The following CELSR1 variants were observed in gnomAD, a reference collection of about 807,000 sequenced individuals.
CELSR1 encodes cadherin EGF LAG seven-pass G-type receptor 1.
Under a neutral mutation model 249.1 loss-of-function variants are expected in CELSR1, and 110 were observed. The ratio of observed to expected loss-of-function variants is 0.44; its 90% CI spans 0.38 to 0.52. The LOEUF is 0.52. CELSR1 is among the 20% of genes least tolerant of loss of function. CELSR1 has a pLI of 0.00. For missense variants in CELSR1, 4,109 were observed against 4,296.4 expected, an observed-to-expected ratio of 0.96 and a Z score of 1.22; for synonymous variants, 2,113 against 1,900.0, an observed-to-expected ratio of 1.11 and a Z score of -2.92.
intron 9 of CELSR1, among the ~76,000 whole-genome samples, chr22:46,405,915 G>A (rs753905958): frequency 2.0e-5 from 3 of 152,132 alleles, no homozygotes; most frequent in Non-Finnish European, 4.4e-5. Flanking sequence ...TCTGCGAGCT[G>A]CCCTGGGGGC....
rs1234027627 is a variant in CELSR1 at position 46,377,425 on chromosome 22, C to T, written c.7384-164G>A. 3 of 731,116 alleles carry T rather than the reference C, an allele frequency of 4.1e-6. No individual in the cohort carries two copies. The East Asian group carries it at 8.2e-5, about 20-fold the overall frequency. 45.3% of individuals were successfully genotyped at this position (731,116 alleles called of 1,614,324 possible). On this transcript the variant is annotated intron_variant, in intron 23 of 34. Coordinates refer to ENST00000674500, the MANE Select transcript of CELSR1 (RefSeq NM_001378328.1). Reference sequence around the variant, plus strand: ...AGTGCTCATGGCTCTGGGCCTGGAACTGCCCCTCCTGAGGCTCCTTCAATG... The same window carrying T: ...AGTGCTCATGGCTCTGGGCCTGGAATTGCCCCTCCTGAGGCTCCTTCAATG...
At chr22:46,414,506 G>A (rs1477343845) in intron 5 of CELSR1, among the ~76,000 whole-genome samples, 1 of 151,960 alleles carries the variant, frequency 6.6e-6, no homozygotes. Context: ...CCCGCCTCTC[G>A]GCGAGTGTGG....
chr22:46,519,035 A>C (rs2080658048), intron 1 of CELSR1, among the ~76,000 whole-genome samples: 1 of 151,850 alleles, frequency 6.6e-6, no homozygotes, highest in Admixed American at 6.6e-5. Flanking sequence ...TCTGTATCAA[A>C]AAAAAAAAAC....
chr22:46,432,211 G>A (rs978542275), intron 5 of CELSR1, among the ~76,000 whole-genome samples: 1 of 152,242 alleles, frequency 6.6e-6, no homozygotes, highest in Non-Finnish European at 1.5e-5. Flanking sequence ...GGGCCAGGGA[G>A]GTGGAGGGAC....
chr22:46,435,724 C>A (rs2079651597), intron 4 of CELSR1, among the ~76,000 whole-genome samples: 1 of 151,862 alleles, frequency 6.6e-6, no homozygotes, highest in Non-Finnish European at 1.5e-5. Flanking sequence ...TTTTTTGAGA[C>A]AGAGTCTCAC....
At position 46,380,180 on chromosome 22, in the gene CELSR1, T is replaced by C. The variant is rs896702033; in HGVS notation, c.7256+608A>G. 1.3e-5 allele frequency among the ~76,000 whole-genome samples: 2 copies of C among 152,208 alleles called. No individual in the cohort carries two copies. Among genetic ancestry groups the C allele is most frequent in the Non-Finnish European group, 2.9e-5 (2 of 68,024 alleles). On this transcript the variant is annotated intron_variant, in intron 22 of 34. Transcript: ENST00000674500. This position sits in a 1 kb window ranked among gnomAD's most constrained non-coding sequence, Gnocchi z 5.1. ...TGCATTTTTCTAACGACGAAACGCCTTTCCCTCGCTTGCATGGATGCTAGA... is the reference window on the plus strand; with the variant it reads ...TGCATTTTTCTAACGACGAAACGCCCTTCCCTCGCTTGCATGGATGCTAGA...
chr22:46,497,978 G>A (rs1368319710), intron 1 of CELSR1, among the ~76,000 whole-genome samples: 1 of 151,406 alleles, frequency 6.6e-6, no homozygotes, highest in Non-Finnish European at 1.5e-5. Flanking sequence ...GCCAGGCACG[G>A]TGGCTCACGC....
chr22:46,516,221 T>C (rs912464581), intron 1 of CELSR1, among the ~76,000 whole-genome samples: 1 of 152,272 alleles, frequency 6.6e-6, no homozygotes, highest in Admixed American at 6.5e-5. Flanking sequence ...TGTCCACCAA[T>C]GATAGACTGG....
Position 46,517,015 on chromosome 22 carries a change from G to T in CELSR1, c.3544+16612C>A, listed in dbSNP as rs118039036. On this transcript the variant is annotated intron_variant, in intron 1 of 34. Coordinates refer to ENST00000674500, the MANE Select transcript of CELSR1 (RefSeq NM_001378328.1). This position sits in a 1 kb window ranked among gnomAD's most constrained non-coding sequence, Gnocchi z 5.4. The stretch of plus-strand genomic sequence containing the variant: ...AAAGGAACCTTTATCACCCATAAGG[G>T]ATGAGCTGGGCTCATCCACTTCCTG... 1.5e-3 allele frequency among the ~76,000 whole-genome samples: 222 copies of T among 152,338 alleles called. 2 individuals carry two copies. In the East Asian group the frequency reaches 0.04, roughly 27 times the overall value.
At chr22:46,508,277 C>T (rs942414700) in intron 1 of CELSR1, among the ~76,000 whole-genome samples, 12 of 149,992 alleles carry the variant, frequency 8.0e-5, no homozygotes, top group African/African-American at 2.4e-4. Context: ...CAGCCCTGCT[C>T]GTCCACACAC....
rs577353855 is a variant in CELSR1 at position 46,448,981 on chromosome 22, C to G, written c.4184-9570G>C. Among the ~76,000 whole-genome samples the G allele has an allele frequency of 2.4e-4, 36 of 152,252 alleles. No homozygotes were observed. Among genetic ancestry groups the G allele is most frequent in the African/African-American group, 8.4e-4 (35 of 41,540 alleles). Reference sequence around the variant, plus strand: ...ATGTCAGAAATGATAAAACACCACACGAATTTGCCCATCTGTTATTCCATT... The same window carrying G: ...ATGTCAGAAATGATAAAACACCACAGGAATTTGCCCATCTGTTATTCCATT... On this transcript the variant is annotated intron_variant, in intron 2 of 34. Coordinates refer to ENST00000674500, the MANE Select transcript of CELSR1 (RefSeq NM_001378328.1). The surrounding 1 kb of genome is among the most constrained non-coding windows in gnomAD (Gnocchi z 5.7).
At chr22:46,443,054 C>T (rs2147487195) in intron 2 of CELSR1, among the ~76,000 whole-genome samples, 1 of 151,620 alleles carries the variant, frequency 6.6e-6, no homozygotes, top group Non-Finnish European at 1.5e-5. Context: ...GCCGAGATCG[C>T]ACCGCGGCAC....
At chr22:46,368,467 C>T (rs1468400769) in intron 27 of CELSR1, among the ~76,000 whole-genome samples, 1 of 151,948 alleles carries the variant, frequency 6.6e-6, no homozygotes, top group Non-Finnish European at 1.5e-5. Flanking sequence ...CTGCCCTACC[C>T]CCCTTCAGAC....
At chr22:46,528,724 C>T (rs1045535037) in intron 1 of CELSR1, among the ~76,000 whole-genome samples, 8 of 150,914 alleles carry the variant, frequency 5.3e-5, no homozygotes, top group African/African-American at 2.0e-4. Context: ...GTCAGGAGAT[C>T]GAGGCCATCC....
rs1010023278 is a variant in CELSR1, at chr22:46,536,822, G to C, written c.349C>G (p.Arg117Gly). 1.1e-4 allele frequency: 131 copies of C among 1,204,620 alleles called. 1 individual carries two copies. Among genetic ancestry groups the C allele is most frequent in the Non-Finnish European group, 7.2e-6 (7 of 971,688 alleles). The allele number at this position is 1,204,620 out of a possible 1,614,324, so 74.6% of individuals were successfully genotyped here. A position where few individuals can be genotyped will look rare whatever the true frequency, so the allele number is the denominator to read the frequency against. The part of the protein sequence containing the change: ...ARTHLPGCGA[R>G]ARLCGTGARL... ...GCACCGGTTCCGCAGAGCCGGGCAC[G>C]GGCTCCGCAGCCGGGAAGGTGCGTG... The change falls in exon 1 of 35, where the codon CGT becomes GGT. Residue 117 changes from arginine (R) to glycine (G), a missense_variant. Physicochemically the swap from Arg to Gly is moderately radical, Grantham distance 125. This residue lies in a region of CELSR1 where 673 missense variants were observed against 636.8 expected (regional missense o/e 1.06). Transcript: ENST00000674500.
intron 5 of CELSR1, among the ~76,000 whole-genome samples, chr22:46,422,113 G>A (rs55676873): frequency 0.32 from 48,135 of 151,476 alleles, 10,861 homozygotes; most frequent in African/African-American, 0.65. Flanking sequence ...TATTTTTTTT[G>A]TTTTATTTTT....
chr22:46,486,790 C>T (rs968500760), intron 1 of CELSR1, among the ~76,000 whole-genome samples: 47 of 152,162 alleles, frequency 3.1e-4, no homozygotes, highest in Admixed American at 1.2e-3. Flanking sequence ...TTGCAGTGAG[C>T]GGAGATCGTG....
rs1200109149 is a variant in CELSR1 at position 46,395,123 on chromosome 22, T to C, written c.5844-861A>G. Among the ~76,000 whole-genome samples, 1 of 152,208 alleles carries C rather than the reference T, an allele frequency of 6.6e-6. No individual in the cohort carries two copies. The highest frequency in any genetic ancestry group is 1.5e-5 in the Non-Finnish European group (1 of 68,030). ...AAGGACTGTGTACAAATCAGGGTCA[T>C]AAAGACAACCAGGCCAGAGATAGAG... On this transcript the variant is annotated intron_variant, in intron 13 of 34. Coordinates refer to ENST00000674500, the MANE Select transcript of CELSR1 (RefSeq NM_001378328.1). The surrounding 1 kb of genome is among the most constrained non-coding windows in gnomAD (Gnocchi z 5.5).
chr22:46,403,312 G>C (rs1440724149), intron 9 of CELSR1, among the ~76,000 whole-genome samples: 4 of 151,848 alleles, frequency 2.6e-5, no homozygotes, highest in Admixed American at 6.6e-5. Context: ...ACTTTGGGAG[G>C]CTGAGGCGGG....
Sources: gnomAD v4.1 joint callset for allele counts (sites outside exome capture counted in the v4.1 genomes callset) on GRCh38, gnomAD v4.1.1 for gene constraint, gnomAD v4.1.1 regional missense constraint, Gnocchi (gnomAD v3.1) non-coding constraint, MANE v1.5 for transcripts, NCBI Gene and HGNC (gene_info 2026-07-23, HGNC 2026-07-21) for gene names.